The following PRDM11 variants were observed in gnomAD, a reference collection of about 807,000 sequenced individuals.
PRDM11 encodes PR/SET domain 11.
Under a neutral mutation model 97.8 loss-of-function variants are expected in PRDM11, and 20 were observed. That is an observed-to-expected ratio of 0.20 (90% CI 0.14 to 0.30). The LOEUF (loss-of-function observed/expected upper bound fraction) is 0.30. PRDM11 is among the 10% of genes least tolerant of loss of function. PRDM11 has a pLI of 1.00. For synonymous variants in PRDM11, 599 were observed against 637.7 expected, an observed-to-expected ratio of 0.94 and a Z score of 0.91; for missense variants, 1,139 against 1,555.2, an observed-to-expected ratio of 0.73 and a Z score of 4.50.
At chr11:45,212,699 G>A in intron 5 of PRDM11, 5 of 456,476 alleles carry the variant, frequency 1.1e-5, no homozygotes, top group South Asian at 7.7e-5. Flanking sequence ...ACCCACCACG[G>A]GCCTTGACTG....
At chr11:45,096,915 A>G (rs981188629) in intron 1 of PRDM11, among the ~76,000 whole-genome samples, 2 of 152,186 alleles carry the variant, frequency 1.3e-5, no homozygotes, top group Admixed American at 1.3e-4. Context: ...TCTTCATGCC[A>G]ATCCTGGCAG....
chr11:45,134,004 G>A (rs147181961), intron 1 of PRDM11, among the ~76,000 whole-genome samples: 1 of 152,282 alleles, frequency 6.6e-6, no homozygotes, highest in Non-Finnish European at 1.5e-5. Context: ...TCTGCAGCTG[G>A]GTGAAGCTCA....
intron 4 of PRDM11, among the ~76,000 whole-genome samples, chr11:45,193,796 T>C (rs1043900090): frequency 1.3e-5 from 2 of 152,182 alleles, no homozygotes; most frequent in African/African-American, 4.8e-5. Flanking sequence ...TCCTCATTTC[T>C]ACTTGTGTAT....
At chr11:45,170,404 AT>A (rs1408643870) in intron 1 of PRDM11, among the ~76,000 whole-genome samples, 1 of 152,162 alleles carries the variant, frequency 6.6e-6, no homozygotes, top group African/African-American at 2.4e-5. Context: ...GAGTTGCAAT[AT>A]TATATAGGGA....
rs202100618 is a variant in PRDM11, at chr11:45,151,290, C to T, written c.-7+4413C>T. ...AGAGTGAGGCCTGGGAGGGGCTTCC[C>T]GACAGCTGACCCTGGAGCTGTGCTG... On this transcript the variant is annotated intron_variant, in intron 1 of 7. Coordinates refer to ENST00000683152, the MANE Select transcript of PRDM11 (RefSeq NM_001384648.1). 4.6e-5 allele frequency among the ~76,000 whole-genome samples: 7 copies of T among 152,130 alleles called. No homozygotes were observed. In the East Asian group the frequency reaches 1.2e-3, roughly 25 times the overall value.
chr11:45,155,853 T>TTA (rs761240443), intron 1 of PRDM11, among the ~76,000 whole-genome samples: 1 of 151,994 alleles, frequency 6.6e-6, no homozygotes, highest in Non-Finnish European at 1.5e-5. Flanking sequence ...GGGCCTTTTA[T>TTA]AAACATCAGC....
At chr11:45,157,776 C>T (rs979794178) in intron 1 of PRDM11, among the ~76,000 whole-genome samples, 6 of 152,210 alleles carry the variant, frequency 3.9e-5, no homozygotes, top group African/African-American at 1.4e-4. Flanking sequence ...GCAGAACTCT[C>T]TTGTCCACAC....
chr11:45,123,537 G>T (rs1362521434), intron 1 of PRDM11, among the ~76,000 whole-genome samples: 1 of 152,044 alleles, frequency 6.6e-6, no homozygotes, highest in Non-Finnish European at 1.5e-5. Context: ...TGTAAGAAAG[G>T]GATCCAGTTT....
chr11:45,181,602 A>G (rs1013576825), intron 1 of PRDM11, among the ~76,000 whole-genome samples, 159 bp from the exon 2 acceptor site: 1 of 152,096 alleles, frequency 6.6e-6, no homozygotes, highest in African/African-American at 2.4e-5. Flanking sequence ...GCCGGGCTAC[A>G]GCTGTTTTTG....
chr11:45,114,347 C>A (rs1048208191), intron 1 of PRDM11, among the ~76,000 whole-genome samples: 1 of 151,998 alleles, frequency 6.6e-6, no homozygotes, highest in Non-Finnish European at 1.5e-5. Flanking sequence ...AACAAACTGG[C>A]AGAAGAGTCA....
At chr11:45,151,190 C>T (rs928054243) in intron 1 of PRDM11, among the ~76,000 whole-genome samples, 1 of 152,168 alleles carries the variant, frequency 6.6e-6, no homozygotes, top group Non-Finnish European at 1.5e-5. Context: ...CAGGGCTGGT[C>T]TAAAACTGCC....
chr11:45,151,233 A>T (rs1047087674), intron 1 of PRDM11, among the ~76,000 whole-genome samples: 2 of 151,200 alleles, frequency 1.3e-5, no homozygotes, highest in African/African-American at 4.9e-5. Flanking sequence ...GGAGGCTGAG[A>T]CTCCTTGGAG....
At chr11:45,162,829 A>G (rs1851962791) in intron 1 of PRDM11, among the ~76,000 whole-genome samples, 1 of 152,240 alleles carries the variant, frequency 6.6e-6, no homozygotes, top group Non-Finnish European at 1.5e-5. Context: ...CATGCCTGAC[A>G]CATGGCAGGT....
intron 5 of PRDM11, among the ~76,000 whole-genome samples, chr11:45,218,628 C>T (rs961164389): frequency 2.0e-5 from 3 of 152,212 alleles, no homozygotes; most frequent in African/African-American, 7.2e-5. Context: ...AACCCTAAAA[C>T]GTCAACTAAT....
chr11:45,125,888 G>A (rs1852557859), intron 1 of PRDM11, among the ~76,000 whole-genome samples: 2 of 152,118 alleles, frequency 1.3e-5, no homozygotes, highest in African/African-American at 2.4e-5. Context: ...CAATTCCTGG[G>A]TATCCTTGTT....
rs12284738 is a variant in PRDM11, at chr11:45,201,743, G to A, written c.487-2968G>A. 4.8e-3 allele frequency among the ~76,000 whole-genome samples: 726 copies of A among 152,166 alleles called. 2 individuals are homozygous for A. Among genetic ancestry groups the A allele is most frequent in the African/African-American group, 5.9e-3 (245 of 41,510 alleles). ...AGCACTTTGGGAGGCCGAGGTGGGC[G>A]GATCACGAGGTCAGGAGATCAAGAC... On this transcript the variant is annotated intron_variant, in intron 4 of 7. Transcript: ENST00000683152.
chr11:45,148,665 C>T (rs1851584094), intron 1 of PRDM11, among the ~76,000 whole-genome samples: 1 of 152,218 alleles, frequency 6.6e-6, no homozygotes. Context: ...ACCTGAGTTA[C>T]AGTTCTGTCG....
chr11:45,095,744 G>T (rs1038947694), upstream of PRDM11: 24 of 692,750 alleles, frequency 3.5e-5, no homozygotes, highest in East Asian at 5.0e-5. Flanking sequence ...TGCAGATTAT[G>T]ATGGCCGCAG....
intron 5 of PRDM11, chr11:45,213,287 G>C (rs1386659124): frequency 2.2e-6 from 1 of 456,536 alleles, no homozygotes; most frequent in South Asian, 1.5e-5. Context: ...ATGCTTGCTT[G>C]GCCTGGAGAT....
Sources: allele counts gnomAD v4.1 joint callset (sites outside exome capture counted in the v4.1 genomes callset), GRCh38; gene constraint gnomAD v4.1.1; transcripts MANE v1.5; gene names NCBI Gene and HGNC (gene_info 2026-07-23, HGNC 2026-07-21).